The following PSG5 variants were observed in gnomAD, a reference collection of about 807,000 sequenced individuals.
PSG5 encodes the protein pregnancy specific beta-1-glycoprotein 5, also known as pregnancy-specific beta-1-glycoprotein 5.
A neutral mutation model predicts 37.7 loss-of-function variants in PSG5; 53 were observed. That is an observed-to-expected ratio of 1.41 (90% CI 1.13 to 1.77). The LOEUF (loss-of-function observed/expected upper bound fraction) is 1.77. Among genes scored for constraint, PSG5 ranks in the 40% most tolerant of loss-of-function variants. The probability of loss-of-function intolerance (pLI) is 0.00; values close to 1 mark genes in which losing one functional copy is unlikely to be tolerated. For synonymous variants in PSG5, 221 were observed against 155.4 expected, an observed-to-expected ratio of 1.42 and a Z score of -3.14; for missense variants, 547 against 405.2, an observed-to-expected ratio of 1.35 and a Z score of -3.00.
rs1232816554 is a variant in PSG5 at position 43,186,417 on chromosome 19, C to G, written c.-12G>C. The G allele has an allele frequency of 6.2e-7, 1 of 1,611,922 alleles. No homozygotes were observed. The highest frequency in any genetic ancestry group is 1.3e-5 in the African/African-American group (1 of 74,512). On this transcript the variant is annotated 5_prime_UTR_variant, in exon 1 of 6. Coordinates refer to ENST00000342951, the MANE Select transcript of PSG5 (RefSeq NM_002781.4). Reference sequence around the variant, plus strand: ...GAGAGGGGCCCCATGGTCTCTGCGCCTGCGTGTTCTCCTCTGTGGAGCTGA... The same window carrying G: ...GAGAGGGGCCCCATGGTCTCTGCGCGTGCGTGTTCTCCTCTGTGGAGCTGA...
rs1968825418 is a variant in PSG5, at chr19:43,168,108, C to A, written c.*136G>T. ...TTATCAGGAACTTGTATTCAAGAGTCCTTGTCAGAGTCTTTTCCATAAATC... is the reference window on the plus strand; with the variant it reads ...TTATCAGGAACTTGTATTCAAGAGTACTTGTCAGAGTCTTTTCCATAAATC... On this transcript the variant is annotated 3_prime_UTR_variant, in exon 6 of 6. Coordinates refer to ENST00000342951, the MANE Select transcript of PSG5 (RefSeq NM_002781.4). The A allele has an allele frequency of 6.7e-6, 3 of 445,580 alleles. No homozygotes were observed. The highest frequency in any genetic ancestry group is 9.1e-5 in the South Asian group (1 of 10,968). 27.6% of individuals were successfully genotyped at this position (445,580 alleles called of 1,614,324 possible).
At chr19:43,182,847 G>T (rs1001357315) in intron 2 of PSG5, among the ~76,000 whole-genome samples, 5 of 147,756 alleles carry the variant, frequency 3.4e-5, no homozygotes, top group African/African-American at 1.3e-4. Flanking sequence ...TGGGAATACA[G>T]TGGAAGCTCA....
chr19:43,180,601 T>G (rs548308756), intron 2 of PSG5: 1 of 151,500 alleles, frequency 6.6e-6, no homozygotes, highest in Non-Finnish European at 1.5e-5. Context: ...CTGACTCTAG[T>G]AACAAAAAAA....
chr19:43,180,345 T>C (rs1411480282), intron 2 of PSG5: 1 of 151,632 alleles, frequency 6.6e-6, no homozygotes, highest in Admixed American at 6.6e-5. Context: ...ACAAAGTGTT[T>C]TGGATTTCTA....
intron 2 of PSG5, among the ~76,000 whole-genome samples, chr19:43,179,719 T>C (rs899199397): frequency 2.0e-5 from 3 of 151,624 alleles, no homozygotes; most frequent in South Asian, 4.1e-4. Flanking sequence ...AGTTCAGTCA[T>C]CAGGCAGTGG....
chr19:43,174,769 C>A, intron 4 of PSG5: 1 of 1,154,536 alleles, frequency 8.7e-7, no homozygotes. Context: ...GCTCCTCCCT[C>A]ACCCAAGGGG....
intron 2 of PSG5, 90 bp downstream of exon 2, chr19:43,184,692 C>A: frequency 6.3e-7 from 1 of 1,592,042 alleles, no homozygotes; most frequent in Non-Finnish European, 8.6e-7. Context: ...GAGAGGGACA[C>A]AGGCACAGTG....
At position 43,179,448 on chromosome 19, in the gene PSG5, G is replaced by C. The variant is rs141045921; in HGVS notation, c.431-3300C>G. On this transcript the variant is annotated intron_variant, in intron 2 of 5. Transcript: ENST00000342951. ...AGTCACAGACCCGATGCCTCTCTGA[G>C]TTCCTCCGACTAAAACTGCCTGCCT... Among the ~76,000 whole-genome samples, 240 of 151,804 alleles carry C rather than the reference G, an allele frequency of 1.6e-3. 7 individuals carry two copies. Among genetic ancestry groups the C allele is most frequent in the African/African-American group, 5.4e-3 (225 of 41,290 alleles).
intron 2 of PSG5, among the ~76,000 whole-genome samples, chr19:43,183,633 A>G (rs965295669): frequency 6.6e-6 from 1 of 151,436 alleles, no homozygotes; most frequent in African/African-American, 2.4e-5. Flanking sequence ...GAGGCAGTTG[A>G]TTTAGTTCTG....
At chr19:43,174,576 CTTCTT>C (rs1968965984) in intron 4 of PSG5, 1 of 945,332 alleles carries the variant, frequency 1.1e-6, no homozygotes, top group African/African-American at 1.8e-5. Flanking sequence ...GGCTCCCTCT[CTTCTT>C]ATTTCCCTGC....
chr19:43,185,496 C>T (rs2122248043), intron 1 of PSG5, among the ~76,000 whole-genome samples: 1 of 150,046 alleles, frequency 6.7e-6, no homozygotes. Context: ...TCTTTCCTGA[C>T]ACGTCCTTCA....
At chr19:43,175,687 C>T in intron 3 of PSG5, 183 bp downstream of exon 3, 2 of 1,406,522 alleles carry the variant, frequency 1.4e-6, no homozygotes, top group African/African-American at 1.5e-5. Flanking sequence ...CGCCCCCTCC[C>T]CTTATATTCC....
chr19:43,174,782 T>G (rs1599746594), intron 4 of PSG5: 1 of 1,176,520 alleles, frequency 8.5e-7, no homozygotes, highest in Non-Finnish European at 1.1e-6. Flanking sequence ...CCAAGGGGCT[T>G]CCTCGTCTCA....
intron 5 of PSG5, 26 bp from the exon 6 acceptor site, chr19:43,168,229 A>G (rs1314801827): frequency 7.6e-6 from 3 of 393,796 alleles, no homozygotes; most frequent in East Asian, 7.5e-5. Context: ...ATTTAAACTG[A>G]CTATGGTTAA....
intron 2 of PSG5, among the ~76,000 whole-genome samples, chr19:43,179,754 C>G (rs914129794): frequency 6.6e-6 from 1 of 151,606 alleles, no homozygotes; most frequent in Non-Finnish European, 1.5e-5. Context: ...GCAGTTTTCC[C>G]AGGTGTCTCA....
In PSG5 at chr19:43,175,196, G is replaced by T. The variant is rs750911821; in HGVS notation, c.964+19C>A. On this transcript the variant is annotated intron_variant, in intron 4 of 5. Coordinates refer to ENST00000342951, the MANE Select transcript of PSG5 (RefSeq NM_002781.4). ...CTCCACCTAAAACCCTATTGCCAAG[G>T]ATGCTGGGATCCACTTACCAGAGAC... The T allele has an allele frequency of 3.7e-6, 6 of 1,612,330 alleles. No homozygotes were observed. In the Admixed American group the frequency reaches 1.0e-4, roughly 27 times the overall value.
At chr19:43,171,779 G>T (rs904883987) in intron 4 of PSG5, among the ~76,000 whole-genome samples, 4 of 151,296 alleles carry the variant, frequency 2.6e-5, no homozygotes, top group African/African-American at 9.7e-5. Context: ...ACCAGCATGG[G>T]TAACCTGGGG....
chr19:43,176,262 G>A lies in PSG5; in HGVS notation c.431-114C>T, dbSNP rs558973483. The A allele has an allele frequency of 7.3e-6, 11 of 1,501,502 alleles. No homozygotes were observed. The East Asian group carries it at 1.4e-4, about 19-fold the overall frequency. 93.0% of individuals were successfully genotyped at this position (1,501,502 alleles called of 1,614,324 possible). Reference sequence around the variant, plus strand: ...TGTCAACCCACCAGAGTCCTTGAAAGCCAGTAGCTGATGCATGTGTCACAA... The same window carrying A: ...TGTCAACCCACCAGAGTCCTTGAAAACCAGTAGCTGATGCATGTGTCACAA... On this transcript the variant is annotated intron_variant, in intron 2 of 5. Coordinates refer to ENST00000342951, the MANE Select transcript of PSG5 (RefSeq NM_002781.4).
At chr19:43,173,354 T>C (rs1184082395) in intron 4 of PSG5, among the ~76,000 whole-genome samples, 1 of 151,818 alleles carries the variant, frequency 6.6e-6, no homozygotes, top group Non-Finnish European at 1.5e-5. Flanking sequence ...ATGGATTAAT[T>C]GGACTTCACA....
Sources: gnomAD v4.1 joint callset for allele counts (sites outside exome capture counted in the v4.1 genomes callset) on GRCh38, gnomAD v4.1.1 for gene constraint, MANE v1.5 for transcripts, NCBI Gene and HGNC (gene_info 2026-07-23, HGNC 2026-07-21) for gene names.